Variants in PDE11A observed in about 807,000 individuals in gnomAD.
PDE11A encodes phosphodiesterase 11A.
Under a neutral mutation model 100.5 loss-of-function variants are expected in PDE11A, and 100 were observed. The ratio of observed to expected loss-of-function variants is 1.00; its 90% CI spans 0.85 to 1.18. The LOEUF (loss-of-function observed/expected upper bound fraction) is 1.18. Among genes scored for constraint, PDE11A ranks in the 50% most tolerant of loss-of-function variants. PDE11A has a pLI of 0.00. For missense variants in PDE11A, 1,141 were observed against 1,152.6 expected (o/e 0.99, Z 0.15); for synonymous variants, 381 against 420.8 (o/e 0.91, Z 1.16).
chr2:177,806,091 A>G (rs1267252183), intron 9 of PDE11A, among the ~76,000 whole-genome samples: 35 of 152,130 alleles, frequency 2.3e-4, no homozygotes, highest in Admixed American at 2.3e-3. Flanking sequence ...TGGCAAACAG[A>G]CTCTTATCTA....
intron 9 of PDE11A, among the ~76,000 whole-genome samples, chr2:177,770,295 G>A (rs1278514265): frequency 4.6e-5 from 7 of 152,178 alleles, no homozygotes; most frequent in African/African-American, 1.4e-4. Flanking sequence ...GAGAGGGGCC[G>A]ATCCTTCAGT....
chr2:177,876,032 T>C (rs2084235204), intron 4 of PDE11A, 109 bp from the exon 5 acceptor site: 8 of 750,908 alleles, frequency 1.1e-5, no homozygotes, highest in Middle Eastern at 2.3e-4. Flanking sequence ...TTGGAGATTA[T>C]AGAGAGATTT....
rs58355920 is a variant in PDE11A at position 177,820,170 on chromosome 2, A to T, written c.1576+50T>A. 0.088 allele frequency: 87,437 copies of T among 995,576 alleles called. 4,444 individuals carry two copies. Among genetic ancestry groups the T allele is most frequent in the African/African-American group, 0.19 (12,114 of 62,644 alleles). The allele number at this position is 995,576 out of a possible 1,614,324, so 61.7% of individuals were successfully genotyped here. ...AAAGATATGGGAATATTTTAAAGCA[A>T]ACTTCTGTTTCTTTATTCAAGAAGT... On this transcript the variant is annotated intron_variant, in intron 7 of 19. Coordinates refer to ENST00000286063, the MANE Select transcript of PDE11A (RefSeq NM_016953.4).
intron 19 of PDE11A, among the ~76,000 whole-genome samples, chr2:177,659,556 C>A (rs2080443544): frequency 6.6e-6 from 1 of 152,150 alleles, no homozygotes; most frequent in South Asian, 2.1e-4. Context: ...AATGGAATCT[C>A]TCAGTTCTTA....
rs1299321667 is a variant in PDE11A, at chr2:177,905,207, A to G, written c.1072-20T>C. The G allele has an allele frequency of 1.5e-6, 2 of 1,353,434 alleles. No individual in the cohort carries two copies. Among genetic ancestry groups the G allele is most frequent in the Non-Finnish European group, 2.1e-6 (2 of 941,660 alleles). The allele number at this position is 1,353,434 out of a possible 1,614,324, so 83.8% of individuals were successfully genotyped here. ...CATAACCTGGGACAAAGAGAGTAGT[A>G]AGAACATTAAAACATAAGAACATTG... On this transcript the variant is annotated intron_variant, in intron 2 of 19. Transcript: ENST00000286063.
chr2:177,692,576 T>G (rs2105524971), intron 15 of PDE11A, among the ~76,000 whole-genome samples: 1 of 152,316 alleles, frequency 6.6e-6, no homozygotes, highest in South Asian at 2.1e-4. Flanking sequence ...TATCAAATCC[T>G]TATTCACTGC....
At chr2:177,663,087 C>A (rs1302275584) in intron 19 of PDE11A, among the ~76,000 whole-genome samples, 1 of 152,204 alleles carries the variant, frequency 6.6e-6, no homozygotes, top group Non-Finnish European at 1.5e-5. Context: ...CAGGTTTTTA[C>A]AAATGAAAGC....
In PDE11A at chr2:177,845,181, C is replaced by A. The variant is rs867163443; in HGVS notation, c.1368-4798G>T. ...CCGGGCGGGGGGCTGACCCCCCCCA[C>A]CTCCCTCCCGGACGGGGTGGCTGCC... On this transcript the variant is annotated intron_variant, in intron 5 of 19. Transcript: ENST00000286063. 7.7e-3 allele frequency among the ~76,000 whole-genome samples: 1,160 copies of A among 151,092 alleles called. 13 individuals carry two copies. Among genetic ancestry groups the A allele is most frequent in the African/African-American group, 0.026 (1,071 of 41,144 alleles).
chr2:178,066,006 T>C (rs2105868927), intron 1 of PDE11A, among the ~76,000 whole-genome samples: 1 of 152,090 alleles, frequency 6.6e-6, no homozygotes, highest in African/African-American at 2.4e-5. Flanking sequence ...CATTCTTAAA[T>C]ACAATTTTAT....
chr2:177,969,512 T>C (rs545909170), intron 2 of PDE11A, among the ~76,000 whole-genome samples: 36 of 152,322 alleles, frequency 2.4e-4, no homozygotes, highest in Middle Eastern at 3.4e-3. Flanking sequence ...CAGTGTTCCA[T>C]GAGCACTATA....
rs183629882 is a variant in PDE11A at position 177,958,370 on chromosome 2, C to A, written c.1072-53183G>T. Reference sequence around the variant, plus strand: ...TGCAAGCCCTTTGTGAAACTTCTTGCATTTTATCTCTGCTTTGAGTGTTTG... The same window carrying A: ...TGCAAGCCCTTTGTGAAACTTCTTGAATTTTATCTCTGCTTTGAGTGTTTG... On this transcript the variant is annotated intron_variant, in intron 2 of 19. Coordinates refer to ENST00000286063, the MANE Select transcript of PDE11A (RefSeq NM_016953.4). Among the ~76,000 whole-genome samples, 13 of 152,288 alleles carry A rather than the reference C, an allele frequency of 8.5e-5. No homozygotes were observed. The East Asian group carries it at 1.9e-3, about 23-fold the overall frequency.
At chr2:177,725,119 T>G (rs1466927174) in intron 12 of PDE11A, among the ~76,000 whole-genome samples, 3 of 152,080 alleles carry the variant, frequency 2.0e-5, no homozygotes, top group African/African-American at 7.2e-5. Flanking sequence ...GAGTGCCCAT[T>G]GGTGGTAAGA....
intron 16 of PDE11A, among the ~76,000 whole-genome samples, chr2:177,679,782 T>G (rs1366103188): frequency 6.6e-6 from 1 of 151,844 alleles, no homozygotes; most frequent in East Asian, 1.9e-4. Context: ...ATAAAACAGA[T>G]TTTGAAAATG....
intron 10 of PDE11A, among the ~76,000 whole-genome samples, chr2:177,730,032 TC>T (rs1243906988): frequency 6.6e-6 from 1 of 152,088 alleles, no homozygotes. Context: ...CTTAATTCCA[TC>T]CCCCTCTGCA....
rs558502495 is a variant in PDE11A at position 177,847,794 on chromosome 2, C to T, written c.1368-7411G>A. The stretch of plus-strand genomic sequence containing the variant: ...GCCCTAATGCCATATTGCTTGTGCC[C>T]ACGTTGTCACTAGTTTCCTATTTAA... On this transcript the variant is annotated intron_variant, in intron 5 of 19. Transcript: ENST00000286063. 5.3e-5 allele frequency among the ~76,000 whole-genome samples: 8 copies of T among 152,286 alleles called. No individual in the cohort carries two copies. In the East Asian group the frequency reaches 1.5e-3, roughly 29 times the overall value.
intron 2 of PDE11A, among the ~76,000 whole-genome samples, chr2:177,996,349 A>G (rs2086074500): frequency 6.6e-6 from 1 of 152,046 alleles, no homozygotes; most frequent in Non-Finnish European, 1.5e-5. Context: ...AAAAACCTAA[A>G]TAACAAGTTA....
intron 1 of PDE11A, among the ~76,000 whole-genome samples, chr2:178,017,713 C>A (rs1030039508): frequency 5.3e-5 from 8 of 152,120 alleles, no homozygotes; most frequent in Admixed American, 2.6e-4. Flanking sequence ...GTAATCTCAG[C>A]ACGTTGGGAG....
chr2:177,751,615 G>C (rs1237375025), intron 10 of PDE11A, among the ~76,000 whole-genome samples: 1 of 152,132 alleles, frequency 6.6e-6, no homozygotes, highest in Non-Finnish European at 1.5e-5. Flanking sequence ...CTTTAAATTT[G>C]TTCCTTGTGT....
chr2:177,841,312 G>A (rs1472499078), intron 5 of PDE11A, among the ~76,000 whole-genome samples: 3 of 152,200 alleles, frequency 2.0e-5, no homozygotes, highest in Non-Finnish European at 2.9e-5. Context: ...GAGGATGTCT[G>A]ATTTGTCGCT....
Sources: gnomAD v4.1 joint callset for allele counts (sites outside exome capture counted in the v4.1 genomes callset) on GRCh38, gnomAD v4.1.1 for gene constraint, MANE v1.5 for transcripts, NCBI Gene and HGNC (gene_info 2026-07-23, HGNC 2026-07-21) for gene names.